Variants in AHCYL2 observed in about 807,000 individuals in gnomAD.
AHCYL2 encodes S-adenosylhomocysteine hydrolase-like protein 2.
Under a neutral mutation model 81.4 loss-of-function variants are expected in AHCYL2, and 28 were observed. That is an observed-to-expected ratio of 0.34 (90% CI 0.25 to 0.47). AHCYL2 has a LOEUF of 0.47. Ranked by LOEUF, AHCYL2 falls within the 20% of genes least tolerant of loss-of-function variation. AHCYL2 has a pLI of 1.00. For missense variants in AHCYL2, 551 were observed against 785.1 expected, an observed-to-expected ratio of 0.70 and a Z score of 3.56; for synonymous variants, 272 against 290.2, an observed-to-expected ratio of 0.94 and a Z score of 0.64.
chr7:129,288,095 A>C (rs1331646945), intron 1 of AHCYL2, among the ~76,000 whole-genome samples: 2 of 152,222 alleles, frequency 1.3e-5, no homozygotes, highest in Non-Finnish European at 2.9e-5. Context: ...TCATTGTGTT[A>C]TTCATAAATG....
At chr7:129,389,865 A>G (rs891874395) in intron 4 of AHCYL2, 131 bp downstream of exon 4, 15 of 639,682 alleles carry the variant, frequency 2.3e-5, no homozygotes, top group Admixed American at 1.1e-4. Context: ...TATAATGGCC[A>G]TATAAAGCAG....
chr7:129,293,726 T>C (rs1018632272), intron 1 of AHCYL2, among the ~76,000 whole-genome samples: 1 of 152,138 alleles, frequency 6.6e-6, no homozygotes, highest in African/African-American at 2.4e-5. Context: ...ATTGCAACAA[T>C]TAATTTAAGT....
At chr7:129,306,631 C>G (rs1348961920) in intron 1 of AHCYL2, among the ~76,000 whole-genome samples, 1 of 152,084 alleles carries the variant, frequency 6.6e-6, no homozygotes, top group African/African-American at 2.4e-5. Flanking sequence ...ATGTTTTCCT[C>G]CTGGTCTTGA....
At chr7:129,362,155 G>T (rs1793951458) in intron 1 of AHCYL2, among the ~76,000 whole-genome samples, 1 of 152,098 alleles carries the variant, frequency 6.6e-6, no homozygotes, top group African/African-American at 2.4e-5. Flanking sequence ...AGAAGATACT[G>T]TTATCCTGAT....
chr7:129,376,122 A>G (rs540663210), intron 1 of AHCYL2, among the ~76,000 whole-genome samples: 65 of 152,220 alleles, frequency 4.3e-4, no homozygotes, highest in Middle Eastern at 3.4e-3. Flanking sequence ...TCTCTCTCAA[A>G]TGGAAAAGGA....
At chr7:129,267,230 G>GGTGTGTGTGTGT (rs769745702) in intron 1 of AHCYL2, among the ~76,000 whole-genome samples, 28 of 59,214 alleles carry the variant, frequency 4.7e-4, no homozygotes, top group East Asian at 3.3e-3. Context: ...TCACTCAAGG[G>GGTGTGTGTGTGT]GTGTGTGTGT....
chr7:129,246,880 A>T (rs887089514), intron 1 of AHCYL2, among the ~76,000 whole-genome samples: 7 of 152,188 alleles, frequency 4.6e-5, no homozygotes, highest in African/African-American at 1.2e-4. Flanking sequence ...TTTGAGGTTC[A>T]TTCATGTAGT....
At chr7:129,231,370 A>T (rs1192650781) in intron 1 of AHCYL2, among the ~76,000 whole-genome samples, 9 of 152,232 alleles carry the variant, frequency 5.9e-5, no homozygotes, top group Non-Finnish European at 1.5e-5. Flanking sequence ...TAATTGAAGA[A>T]ATCGATAGTT....
At chr7:129,409,853 T>TA (rs1380486238) in intron 11 of AHCYL2, among the ~76,000 whole-genome samples, 3 of 3,546 alleles carry the variant, frequency 8.5e-4, no homozygotes, top group East Asian at 0.045. Context: ...AAGCCAGATA[T>TA]TTTTTTTTTC....
intron 6 of AHCYL2, among the ~76,000 whole-genome samples, chr7:129,401,869 C>G (rs561581086): frequency 6.6e-6 from 1 of 152,274 alleles, no homozygotes; most frequent in East Asian, 1.9e-4. Flanking sequence ...AGGACAAAAA[C>G]AGTTGTCACC....
At chr7:129,415,021 C>A (rs1403809351) in intron 12 of AHCYL2, among the ~76,000 whole-genome samples, 1 of 152,172 alleles carries the variant, frequency 6.6e-6, no homozygotes, top group African/African-American at 2.4e-5. Flanking sequence ...CCTACCAAAG[C>A]CCCTTTCTAC....
chr7:129,426,133 A>G lies in AHCYL2; in HGVS notation c.1709-310A>G, dbSNP rs1462153632. ...TGGAGCTTCCCATTATTTAGTTCCC[A>G]CATTATCCTATTCCTTCTTTTAAAT... is the stretch of plus-strand genomic sequence containing the variant. On this transcript the variant is annotated intron_variant, in intron 15 of 16. Transcript: ENST00000325006. This position sits in a 1 kb window ranked among gnomAD's most constrained non-coding sequence, Gnocchi z 4.3. 6.6e-6 allele frequency among the ~76,000 whole-genome samples: 1 copy of G among 152,218 alleles called. No homozygotes were observed. The highest frequency in any genetic ancestry group is 1.9e-4 in the East Asian group (1 of 5,200).
At chr7:129,301,294 T>A (rs1364097979) in intron 1 of AHCYL2, among the ~76,000 whole-genome samples, 1 of 152,230 alleles carries the variant, frequency 6.6e-6, no homozygotes, top group African/African-American at 2.4e-5. Flanking sequence ...GCAAATACTT[T>A]CTCCCATTCT....
intron 1 of AHCYL2, among the ~76,000 whole-genome samples, chr7:129,263,288 G>C (rs995680149): frequency 6.6e-6 from 1 of 152,250 alleles, no homozygotes; most frequent in South Asian, 2.1e-4. Context: ...GATAAATAAG[G>C]CATGGTAGAA....
At chr7:129,308,364 G>A (rs1797518935) in intron 1 of AHCYL2, among the ~76,000 whole-genome samples, 1 of 152,178 alleles carries the variant, frequency 6.6e-6, no homozygotes, top group African/African-American at 2.4e-5. Context: ...CCAGCACTGA[G>A]TTCCAATGCA....
chr7:129,345,093 T>C (rs35866593), intron 1 of AHCYL2, among the ~76,000 whole-genome samples: 3,513 of 152,128 alleles, frequency 0.023, 74 homozygotes, highest in Admixed American at 0.057. Flanking sequence ...AGGCAGAGGT[T>C]ACAGTGAGCC....
intron 1 of AHCYL2, among the ~76,000 whole-genome samples, chr7:129,321,766 G>GTTTTTTTTTTTTTTTTTTTTT (rs1315391980): frequency 7.4e-5 from 8 of 107,478 alleles, no homozygotes; most frequent in Non-Finnish European, 1.3e-4. Flanking sequence ...TTTTTTTTTG[G>GTTTTTTTTTTTTTTTTTTTTT]TCTTGGTTTT....
chr7:129,309,203 G>A (rs1413118168), intron 1 of AHCYL2, among the ~76,000 whole-genome samples: 2 of 151,982 alleles, frequency 1.3e-5, no homozygotes, highest in Non-Finnish European at 2.9e-5. Context: ...CTGCACTCTA[G>A]CCTGGGCGAC....
At chr7:129,373,739 G>A (rs1794534046) in intron 1 of AHCYL2, among the ~76,000 whole-genome samples, 2 of 152,138 alleles carry the variant, frequency 1.3e-5, no homozygotes, top group South Asian at 4.1e-4. Flanking sequence ...TAAGTCATTG[G>A]ACCAAGGAGC....
Sources: gnomAD v4.1 joint callset for allele counts (sites outside exome capture counted in the v4.1 genomes callset) on GRCh38, gnomAD v4.1.1 for gene constraint, Gnocchi (gnomAD v3.1) non-coding constraint, MANE v1.5 for transcripts, NCBI Gene and HGNC (gene_info 2026-07-23, HGNC 2026-07-21) for gene names.